LPA: variants seen among roughly 807,000 people sequenced by gnomAD.
LPA encodes the protein apolipoprotein(a).
LPA carries 199 observed loss-of-function variants against 197.9 expected under a neutral mutation model. The ratio of observed to expected loss-of-function variants is 1.01; its 90% confidence interval spans 0.90 to 1.13. The LOEUF is 1.13. LPA is among the 50% of genes most tolerant of loss of function. The pLI is 0.00. For synonymous variants in LPA, 715 were observed against 639.5 expected (o/e 1.12, Z -1.78); for missense variants, 1,853 against 1,785.8 (o/e 1.04, Z -0.68).
intron 18 of LPA, among the ~76,000 whole-genome samples, chr6:160,604,228 C>T (rs556742819): frequency 1.6e-3 from 237 of 152,162 alleles, no homozygotes; most frequent in Non-Finnish European, 1.4e-3. Flanking sequence ...AGGAAGATGG[C>T]TACAGTCCAT....
At chr6:160,590,829 C>T (rs1779013183) in intron 23 of LPA, 115 bp downstream of exon 23, 8 of 1,427,320 alleles carry the variant, frequency 5.6e-6, no homozygotes, top group Non-Finnish European at 7.8e-6. Context: ...TTGGCTGACC[C>T]TGAGTCCACA....
Position 160,585,158 on chromosome 6 carries a change from C to T in LPA, c.4177G>A (p.Gly1393Arg). ...GAGAGTGTGCCTCGATAACTCTGTC[C>T]ATCACCTCGGTAGCAGTCCTGGACC... ...TGVQDCYRGD[G>R]QSYRGTLSTT... The change falls in exon 26 of 39, where the codon GGA (glycine) becomes AGA (arginine). Residue 1393 changes from glycine (G) to arginine (R), a missense_variant. This residue lies in a region of LPA where 1,737 missense variants were observed against 1,504.4 expected (regional missense o/e 1.15). Transcript: ENST00000316300. 8 of 1,613,404 alleles carry T rather than the reference C, an allele frequency of 5.0e-6. No homozygotes were observed. Among genetic ancestry groups the T allele is most frequent in the African/African-American group, 2.7e-5 (2 of 74,806 alleles).
At chr6:160,657,398 CTTTTT>C in intron 1 of LPA, among the ~76,000 whole-genome samples, 1 of 134,650 alleles carries the variant, frequency 7.4e-6, no homozygotes, top group East Asian at 2.2e-4. Context: ...ACTATTATAA[CTTTTT>C]TTTTTTTTTT....
At chr6:160,589,207 T>C (rs909258584) in intron 24 of LPA, among the ~76,000 whole-genome samples, 2 of 152,350 alleles carry the variant, frequency 1.3e-5, no homozygotes, top group East Asian at 3.9e-4. Context: ...GCTTGGAGAT[T>C]AGAATGACAG....
intron 28 of LPA, among the ~76,000 whole-genome samples, chr6:160,576,708 A>ACG (rs1778690550): frequency 6.9e-6 from 1 of 144,944 alleles, no homozygotes; most frequent in South Asian, 2.1e-4. Flanking sequence ...ATATATATAT[A>ACG]TATATATATA....
At chr6:160,658,966 G>C (rs1182600536) in intron 1 of LPA, among the ~76,000 whole-genome samples, 1 of 151,550 alleles carries the variant, frequency 6.6e-6, no homozygotes, top group African/African-American at 2.4e-5. Context: ...TATAGATATA[G>C]ATATACTCAC....
intron 1 of LPA, among the ~76,000 whole-genome samples, chr6:160,658,345 C>T (rs989817855): frequency 6.6e-6 from 1 of 152,160 alleles, no homozygotes; most frequent in African/African-American, 2.4e-5. Flanking sequence ...AGATCAGCTA[C>T]TCGCATGATA....
chr6:160,599,617 T>A lies in LPA; in HGVS notation c.3170A>T (p.His1057Leu). The A allele has an allele frequency of 6.2e-7, 1 of 1,614,154 alleles. No individual in the cohort carries two copies. Among genetic ancestry groups the A allele is most frequent in the Non-Finnish European group, 8.5e-7 (1 of 1,179,980 alleles). ...TGTGCCTCGGTAACTCTGTCCATAA[T>A]GGTAGTAGCAGTCCTGTACCCCGGG... ...ETPGVQDCYY[H>L]YGQSYRGTYS... Residue 1057 changes from histidine (H) to leucine (L), a missense_variant, in exon 20 of 39, where the codon CAT becomes CTT. His to Leu is a moderately conservative substitution (Grantham distance 99). Coordinates refer to ENST00000316300, the MANE Select transcript of LPA (RefSeq NM_005577.4).
Position 160,606,658 on chromosome 6 carries a change from A to T in LPA, c.2604T>A (p.Ala868=), listed in dbSNP as rs764431222. 6.2e-6 allele frequency: 10 copies of T among 1,613,874 alleles called. No individual in the cohort carries two copies. The highest frequency in any genetic ancestry group is 8.5e-6 in the Non-Finnish European group (10 of 1,179,932). ...HSRTPEYYPN[A]GLIMNYCRNP... ...TCCTGCAGTAGTTCATGATCAAGCC[A>T]CTGGAAATTCCAAAACGATACACGT... Residue 868 remains alanine, a splice_region_variant and synonymous_variant, in exon 17 of 39, where the codon GCT becomes GCA. Transcript: ENST00000316300.
At chr6:160,647,575 T>C (rs12526465) in intron 2 of LPA, among the ~76,000 whole-genome samples, 14,639 of 152,198 alleles carry the variant, frequency 0.096, 835 homozygotes, top group Non-Finnish European at 0.14. Flanking sequence ...TTGGCTTCCC[T>C]CTTTTGAATA....
In LPA at chr6:160,633,773, G is replaced by C; in HGVS notation, c.1215C>G (p.Thr405=). The change falls in exon 8 of 39, where the codon ACC becomes ACG. Residue 405 remains threonine (T), a synonymous_variant. Coordinates refer to ENST00000316300, the MANE Select transcript of LPA (RefSeq NM_005577.4). ...SSMTPHSHSR[T]PEYYPNAGLI... Reference sequence around the variant, plus strand: ...CATACGCATTTGGGTAGTATTCTGGGGTCCGACTATGCGAGTGTGGTGTCA... The same window carrying C: ...CATACGCATTTGGGTAGTATTCTGGCGTCCGACTATGCGAGTGTGGTGTCA... 7.6e-7 allele frequency: 1 copy of C among 1,309,830 alleles called. No homozygotes were observed. Among genetic ancestry groups the C allele is most frequent in the Non-Finnish European group, 1.0e-6 (1 of 956,530 alleles). The allele number at this position is 1,309,830 out of a possible 1,614,324, so 81.1% of individuals were successfully genotyped here. A position where few individuals can be genotyped will look rare whatever the true frequency, so the allele number is the denominator to read the frequency against.
Position 160,590,987 on chromosome 6 carries a change from T to A in LPA, c.3744A>T (p.Thr1248=). ...TGGACGTCGCAAGGACACTTGATTCTGTCACTGGACATTGTGTCAGGTTGC... is the reference window on the plus strand; with the variant it reads ...TGGACGTCGCAAGGACACTTGATTCAGTCACTGGACATTGTGTCAGGTTGC... ...EYCNLTQCPV[T]ESSVLATSTA... is the part of the protein sequence containing the mutation. The change falls in exon 23 of 39, where the codon ACA becomes ACT. Residue 1248 remains threonine (T), a synonymous_variant. Transcript: ENST00000316300. 1 of 1,614,042 alleles carries A rather than the reference T, an allele frequency of 6.2e-7. No homozygotes were observed. The highest frequency in any genetic ancestry group is 1.1e-5 in the South Asian group (1 of 91,086).
chr6:160,576,362 A>ACACATATATATATATATATATGTG (rs1778664597), intron 28 of LPA, among the ~76,000 whole-genome samples: 2 of 35,748 alleles, frequency 5.6e-5, no homozygotes, highest in Admixed American at 8.4e-4. Context: ...ATATATATAT[A>ACACATATATATATATATATATGTG]TATACATATA....
intron 16 of LPA, among the ~76,000 whole-genome samples, chr6:160,608,636 G>A (rs935485692): frequency 4.0e-5 from 6 of 151,888 alleles, no homozygotes; most frequent in East Asian, 1.9e-4. Flanking sequence ...GTGTTTTTGC[G>A]ATTTTGTTAA....
At position 160,578,637 on chromosome 6, in the gene LPA, G is replaced by A. The variant is rs1778732322; in HGVS notation, c.4357C>T (p.Pro1453Ser). 1.2e-6 allele frequency: 2 copies of A among 1,613,816 alleles called. No individual in the cohort carries two copies. The highest frequency in any genetic ancestry group is 2.2e-5 in the South Asian group (2 of 91,076). The change falls in exon 27 of 39, where the codon CCC becomes TCC. Residue 1453 changes from proline (P) to serine (S), a missense_variant. Pro to Ser is a moderately conservative substitution (Grantham distance 74). This residue lies in a region of LPA where 1,737 missense variants were observed against 1,504.4 expected (regional missense o/e 1.15). Transcript: ENST00000316300. Reference protein sequence around the residue: ...EIRPWCYTMDPSVRWEYCNLT... With the variant: ...EIRPWCYTMDSSVRWEYCNLT... The stretch of plus-strand genomic sequence containing the variant: ...TTGCAGTACTCCCACCTGACACTGG[G>A]ATCCATGGTGTAACACCAAGGGCGA...
At chr6:160,588,194 G>A (rs545426172) in intron 24 of LPA, among the ~76,000 whole-genome samples, 21 of 152,024 alleles carry the variant, frequency 1.4e-4, no homozygotes, top group African/African-American at 4.3e-4. Context: ...TAGAAGTAAC[G>A]CAATAGGAAT....
Position 160,537,925 on chromosome 6 carries a change from A to T in LPA, c.5772T>A (p.Cys1924Ter), listed in dbSNP as rs752685835. ...AVITDKVMPA[C>*]LPSPDYMVTA... Reference sequence around the variant, plus strand: ...TGACCATGTAGTCTGGGGATGGCAGACAAGCTGGCATTACTTTGTCAGTGA... The same window carrying T: ...TGACCATGTAGTCTGGGGATGGCAGTCAAGCTGGCATTACTTTGTCAGTGA... The change falls in exon 37 of 39, where the codon TGT (cysteine) becomes TGA (stop). Residue 1924 changes from cysteine (C) to a stop codon, truncating the protein, a stop_gained. Coordinates refer to ENST00000316300, the MANE Select transcript of LPA (RefSeq NM_005577.4). LOFTEE classifies it high-confidence loss of function. 8 of 1,614,240 alleles carry T rather than the reference A, an allele frequency of 5.0e-6. No individual in the cohort carries two copies. Among genetic ancestry groups the T allele is most frequent in the Non-Finnish European group, 6.8e-6 (8 of 1,180,038 alleles).
chr6:160,594,211 A>G, intron 21 of LPA, 94 bp from the exon 22 acceptor site: 1 of 1,484,488 alleles, frequency 6.7e-7, no homozygotes, highest in South Asian at 1.1e-5. Context: ...ATTGTCTCTG[A>G]GAAAGACTAC....
intron 28 of LPA, among the ~76,000 whole-genome samples, chr6:160,576,456 G>T (rs1778681181): frequency 7.5e-6 from 1 of 134,224 alleles, no homozygotes; most frequent in African/African-American, 2.7e-5. Context: ...ATATATTTGT[G>T]TGTGTAAATG....
Sources: gnomAD v4.1 joint callset for allele counts (sites outside exome capture counted in the v4.1 genomes callset) on GRCh38, gnomAD v4.1.1 for gene constraint, gnomAD v4.1.1 regional missense constraint, MANE v1.5 for transcripts, NCBI Gene and HGNC (gene_info 2026-07-23, HGNC 2026-07-21) for gene names.